Variants in KIF26B observed in about 807,000 individuals in gnomAD.
KIF26B encodes the protein kinesin family member 26B.
In KIF26B, 63 loss-of-function variants were observed where a neutral mutation model predicts 151.2. The observed-to-expected ratio is 0.42, with a 90% confidence interval of 0.34 to 0.51. The LOEUF (loss-of-function observed/expected upper bound fraction) is 0.51. Ranked by LOEUF, KIF26B falls within the 20% of genes least tolerant of loss-of-function variation. The probability of loss-of-function intolerance (pLI) is 0.07; values close to 1 mark genes in which losing one functional copy is unlikely to be tolerated. For missense variants in KIF26B, 2,813 were observed against 2,913.6 expected, an observed-to-expected ratio of 0.97 and a Z score of 0.79; for synonymous variants, 1,357 against 1,262.1, an observed-to-expected ratio of 1.08 and a Z score of -1.59.
At chr1:245,198,674 T>G (rs183955139) in intron 2 of KIF26B, among the ~76,000 whole-genome samples, 143 of 149,692 alleles carry the variant, frequency 9.6e-4, no homozygotes, top group Non-Finnish European at 1.8e-3. Context: ...TGAGTCGAGA[T>G]CGAGGTCGCA....
intron 2 of KIF26B, among the ~76,000 whole-genome samples, chr1:245,165,095 G>C (rs1668593901): frequency 6.6e-6 from 1 of 151,746 alleles, no homozygotes; most frequent in South Asian, 2.1e-4. Flanking sequence ...AGATTGCTGT[G>C]AGAATGAGCA....
At chr1:245,292,876 T>G (rs1420843054) in intron 2 of KIF26B, among the ~76,000 whole-genome samples, 1 of 152,198 alleles carries the variant, frequency 6.6e-6, no homozygotes, top group East Asian at 1.9e-4. Flanking sequence ...GCAGCCACCC[T>G]CTGGCTGACA....
chr1:245,677,214 T>C (rs1020488970), intron 10 of KIF26B, among the ~76,000 whole-genome samples: 1 of 152,326 alleles, frequency 6.6e-6, no homozygotes, highest in Non-Finnish European at 1.5e-5. Context: ...AGTGGGTGGT[T>C]CTCTGCAGGG....
chr1:245,342,452 T>C (rs1237543718), intron 2 of KIF26B, among the ~76,000 whole-genome samples: 1 of 152,226 alleles, frequency 6.6e-6, no homozygotes, highest in African/African-American at 2.4e-5. Context: ...GAGAGCAGTC[T>C]GGACAAGGAG....
At chr1:245,441,276 G>A (rs1445214216) in intron 4 of KIF26B, among the ~76,000 whole-genome samples, 1 of 152,150 alleles carries the variant, frequency 6.6e-6, no homozygotes, top group Non-Finnish European at 1.5e-5. Flanking sequence ...TGAAGATGCA[G>A]GAAGCCTGAT....
chr1:245,700,420 G>A (rs2044754445), intron 14 of KIF26B, among the ~76,000 whole-genome samples: 3 of 152,086 alleles, frequency 2.0e-5, no homozygotes, highest in Non-Finnish European at 2.9e-5. Context: ...GGCCAGGCAC[G>A]GTGGCTCACG....
intron 10 of KIF26B, among the ~76,000 whole-genome samples, chr1:245,656,194 T>C (rs550284276): frequency 6.6e-6 from 1 of 151,698 alleles, no homozygotes; most frequent in Admixed American, 6.6e-5. Flanking sequence ...TAACTGATAA[T>C]ATACGCACAT....
At position 245,409,200 on chromosome 1, in the gene KIF26B, C is replaced by A. The variant is rs141995135; in HGVS notation, c.1000-10379C>A. 3.2e-4 allele frequency among the ~76,000 whole-genome samples: 48 copies of A among 152,322 alleles called. No homozygotes were observed. The East Asian group carries it at 9.1e-3, about 29-fold the overall frequency. ...TGCAAGCTTCATGGTGGGACCATAT[C>A]ACCTCTTCTAGGAGACTCTTTTTAA... On this transcript the variant is annotated intron_variant, in intron 3 of 14. Coordinates refer to ENST00000407071, the MANE Select transcript of KIF26B (RefSeq NM_018012.4).
chr1:245,184,050 GTTTTT>G lies in KIF26B; in HGVS notation c.465+27382_465+27386del, dbSNP rs758993117. On this transcript the variant is annotated intron_variant, in intron 2 of 14. Transcript: ENST00000407071. Reference sequence around the variant, plus strand: ...GCAACAGGTATGGGTGGGAGTTGTTGTTTTTTTTTTTTTTTTTTTGAGCTTTCTTA... The same window carrying G: ...GCAACAGGTATGGGTGGGAGTTGTTGTTTTTTTTTTTTTTGAGCTTTCTTA... Among the ~76,000 whole-genome samples, 13 of 19,804 alleles carry G rather than the reference GTTTTT, an allele frequency of 6.6e-4. 1 individual carries two copies. The highest frequency in any genetic ancestry group is 0.059 in the Middle Eastern group (2 of 34). The allele number at this position is 19,804 out of a possible 152,430, so 13.0% of individuals were successfully genotyped here.
chr1:245,596,978 C>T (rs1558230144), intron 5 of KIF26B, among the ~76,000 whole-genome samples: 4 of 152,138 alleles, frequency 2.6e-5, no homozygotes, highest in Admixed American at 2.0e-4. Context: ...TGTTTGTTTT[C>T]CATTTGCTTG....
Position 245,367,637 on chromosome 1 carries a change from C to T in KIF26B, c.999+270C>T, listed in dbSNP as rs1204140861. On this transcript the variant is annotated intron_variant, in intron 3 of 14. Transcript: ENST00000407071. This position sits in a 1 kb window ranked among gnomAD's most constrained non-coding sequence, Gnocchi z 4.2. Reference sequence around the variant, plus strand: ...GAGAGACCCTCTTTGTGTAAGAGGTCCTTGCTGGTCCAGGTGATGCCAGCG... The same window carrying T: ...GAGAGACCCTCTTTGTGTAAGAGGTTCTTGCTGGTCCAGGTGATGCCAGCG... Among the ~76,000 whole-genome samples the T allele has an allele frequency of 6.6e-6, 1 of 152,188 alleles. No individual in the cohort carries two copies. The highest frequency in any genetic ancestry group is 1.5e-5 in the Non-Finnish European group (1 of 68,034).
chr1:245,245,583 C>A (rs568719437), intron 2 of KIF26B, among the ~76,000 whole-genome samples: 1 of 152,036 alleles, frequency 6.6e-6, no homozygotes, highest in Non-Finnish European at 1.5e-5. Context: ...CTGAAGTCAG[C>A]AGTTCAAGAC....
chr1:245,412,862 C>T (rs1674319888), intron 3 of KIF26B, among the ~76,000 whole-genome samples: 2 of 152,178 alleles, frequency 1.3e-5, no homozygotes, highest in South Asian at 2.1e-4. Context: ...TTCTCATGGA[C>T]GTTGAGAATG....
intron 5 of KIF26B, among the ~76,000 whole-genome samples, chr1:245,573,438 G>T (rs576055941): frequency 1.1e-4 from 17 of 152,174 alleles, no homozygotes; most frequent in African/African-American, 3.9e-4. Context: ...CAGAAGAATC[G>T]CTTGAACCCA....
rs193116023 is a variant in KIF26B, at chr1:245,179,786, A to G, written c.465+23103A>G. Among the ~76,000 whole-genome samples, 8 of 152,338 alleles carry G rather than the reference A, an allele frequency of 5.3e-5. No individual in the cohort carries two copies. The East Asian group carries it at 1.5e-3, about 29-fold the overall frequency. ...TAATCCAGGAGGTGTCAGAAAGACC[A>G]GGGGTGGACCTTTCATCTGAGCCAC... is the stretch of plus-strand genomic sequence containing the variant. On this transcript the variant is annotated intron_variant, in intron 2 of 14. Coordinates refer to ENST00000407071, the MANE Select transcript of KIF26B (RefSeq NM_018012.4).
intron 2 of KIF26B, among the ~76,000 whole-genome samples, chr1:245,174,297 G>C (rs943981920): frequency 6.6e-6 from 1 of 152,080 alleles, no homozygotes; most frequent in African/African-American, 2.4e-5. Context: ...ACTGTACTGG[G>C]TCATTGCCAC....
At chr1:245,443,432 T>TAGA (rs1558167806) in intron 4 of KIF26B, among the ~76,000 whole-genome samples, 3 of 76,578 alleles carry the variant, frequency 3.9e-5, no homozygotes, top group Admixed American at 1.3e-4. Context: ...CTGTTCACCC[T>TAGA]GCGGTCATCT....
chr1:245,367,454 C>G lies in KIF26B; in HGVS notation c.999+87C>G, dbSNP rs1672989930. 5 of 1,235,146 alleles carry G rather than the reference C, an allele frequency of 4.0e-6. No individual in the cohort carries two copies. Among genetic ancestry groups the G allele is most frequent in the African/African-American group, 1.5e-5 (1 of 66,494 alleles). The allele number at this position is 1,235,146 out of a possible 1,614,324, so 76.5% of individuals were successfully genotyped here. A position where few individuals can be genotyped will look rare whatever the true frequency, so the allele number is the denominator to read the frequency against. On this transcript the variant is annotated intron_variant, in intron 3 of 14. Transcript: ENST00000407071. The surrounding 1 kb of genome is among the most constrained non-coding windows in gnomAD (Gnocchi z 4.2). ...CAGCACTTCCTTCCGCTGCCTCCTC[C>G]CGGGAACCCTGTAACTCAGAGCCCA...
chr1:245,446,556 C>T (rs1360059739), intron 4 of KIF26B, among the ~76,000 whole-genome samples: 1 of 152,166 alleles, frequency 6.6e-6, no homozygotes, highest in African/African-American at 2.4e-5. Flanking sequence ...AGGCTACAGA[C>T]TCCTAAGTGT....
Sources: gnomAD v4.1 joint callset for allele counts (sites outside exome capture counted in the v4.1 genomes callset) on GRCh38, gnomAD v4.1.1 for gene constraint, Gnocchi (gnomAD v3.1) non-coding constraint, MANE v1.5 for transcripts, NCBI Gene and HGNC (gene_info 2026-07-23, HGNC 2026-07-21) for gene names.